INTS4: variants seen among roughly 807,000 people sequenced by gnomAD.
INTS4 encodes integrator complex subunit 4.
A neutral mutation model predicts 119.5 loss-of-function variants in INTS4; 70 were observed. The ratio of observed to expected loss-of-function variants is 0.59; its 90% CI spans 0.48 to 0.71. The LOEUF (loss-of-function observed/expected upper bound fraction) is 0.71, where lower values mean the gene tolerates loss of function less well. Among genes scored for constraint, INTS4 ranks in the 30% least tolerant of loss-of-function variants. The pLI is 0.00. For missense variants in INTS4, 867 were observed against 1,173.2 expected (o/e 0.74, Z 3.81); for synonymous variants, 316 against 419.6 (o/e 0.75, Z 3.02).
intron 10 of INTS4, among the ~76,000 whole-genome samples, chr11:77,932,325 A>C (rs1441862242): frequency 6.6e-6 from 1 of 152,250 alleles, no homozygotes; most frequent in Non-Finnish European, 1.5e-5. Flanking sequence ...TCAAAAGAAG[A>C]CATTTATGCG....
downstream of INTS4, among the ~76,000 whole-genome samples, chr11:77,878,159 A>G (rs183874503): frequency 0.017 from 2,623 of 152,106 alleles, 58 homozygotes; most frequent in African/African-American, 0.051. Flanking sequence ...TCAGGAGATC[A>G]AGACCATCCT....
intron 10 of INTS4, among the ~76,000 whole-genome samples, chr11:77,933,890 G>A (rs2136509714): frequency 6.6e-6 from 1 of 152,320 alleles, no homozygotes; most frequent in Admixed American, 6.5e-5. Context: ...CGTCTGGGAG[G>A]TGTGCCCAGC....
At chr11:77,956,714 AATAATAATAATAATAAT>A (rs1565271372) in intron 7 of INTS4, among the ~76,000 whole-genome samples, 17 of 8,714 alleles carry the variant, frequency 2.0e-3, no homozygotes, top group South Asian at 6.8e-3. Context: ...CTCAAAAAAT[AATAATAATAATAATAAT>A]AATAATAATA....
At chr11:77,981,620 G>C in intron 2 of INTS4, 44 bp from the exon 3 acceptor site, 2 of 958,288 alleles carry the variant, frequency 2.1e-6, no homozygotes, top group Non-Finnish European at 3.2e-6. Context: ...TTTACACTTA[G>C]CTAACCAACA....
In INTS4 at chr11:77,878,958, T is replaced by C; in HGVS notation, c.2883A>G (p.Ala961=). The C allele has an allele frequency of 6.2e-7, 1 of 1,613,926 alleles. No individual in the cohort carries two copies. The highest frequency in any genetic ancestry group is 2.2e-5 in the East Asian group (1 of 44,864). The part of the protein sequence containing the change: ...PVKVYIMPKP[A]RR ...GAAGACTGTTTTTGCCTTAGCGCCG[T>C]GCAGGTTTGGGCATTATATAAACTT... Residue 961 remains alanine (A), a synonymous_variant, in exon 23 of 23, where the codon GCA becomes GCG. Transcript: ENST00000534064.
intron 8 of INTS4, among the ~76,000 whole-genome samples, chr11:77,951,639 T>C (rs1385870942): frequency 6.6e-6 from 1 of 152,048 alleles, no homozygotes; most frequent in Non-Finnish European, 1.5e-5. Flanking sequence ...AAAGCAATGG[T>C]AACAAAAGCC....
chr11:77,994,048 C>T (rs1470202569), intron 1 of INTS4, among the ~76,000 whole-genome samples: 2 of 152,048 alleles, frequency 1.3e-5, no homozygotes, highest in East Asian at 3.9e-4. Context: ...GCTGTTCTAC[C>T]AATAGAGAGC....
intron 3 of INTS4, 146 bp downstream of exon 3, chr11:77,981,313 A>T (rs1323639475): frequency 4.9e-6 from 2 of 410,280 alleles, no homozygotes; most frequent in Non-Finnish European, 8.6e-6. Flanking sequence ...TTCTACTCTA[A>T]TGTAAATATG....
Position 77,918,904 on chromosome 11 carries a change from G to A in INTS4, c.1839C>T (p.Phe613=). The change falls in exon 15 of 23, where the codon TTC becomes TTT. Residue 613 remains phenylalanine (F), a synonymous_variant. Coordinates refer to ENST00000534064, the MANE Select transcript of INTS4 (RefSeq NM_033547.4). ...ACACTCTTTCAAGGCTCTGCTGCAG[G>A]AACTGCTGGGAAGGATCCTCTTGAG... is the stretch of plus-strand genomic sequence containing the variant. ...IIPQEDPSQQ[F]LQQSLERVYS... is the part of the protein sequence containing the mutation. The A allele has an allele frequency of 6.2e-7, 1 of 1,613,948 alleles. No individual in the cohort carries two copies. Among genetic ancestry groups the A allele is most frequent in the Admixed American group, 1.7e-5 (1 of 60,016 alleles).
At chr11:77,898,746 A>G (rs1047478012) in intron 18 of INTS4, among the ~76,000 whole-genome samples, 2 of 152,194 alleles carry the variant, frequency 1.3e-5, no homozygotes, top group Non-Finnish European at 2.9e-5. Flanking sequence ...CCAGCCAGGC[A>G]CGGTAGCTCA....
At chr11:77,911,320 C>T (rs1953085148) in intron 15 of INTS4, among the ~76,000 whole-genome samples, 11 of 152,230 alleles carry the variant, frequency 7.2e-5, no homozygotes, top group Admixed American at 6.5e-4. Context: ...CTAAGCCCAA[C>T]TGTGAAGTGT....
rs1326965088 is a variant in INTS4 at position 77,922,352 on chromosome 11, A to G, written c.1630+4T>C. ...TCAGGGCCCATCCTAAGCACAGAGGATACAAGCTGGATCATCCATGTCTGG... is the reference window on the plus strand; with the variant it reads ...TCAGGGCCCATCCTAAGCACAGAGGGTACAAGCTGGATCATCCATGTCTGG... On this transcript the variant is annotated splice_donor_region_variant and intron_variant, in intron 13 of 22. Coordinates refer to ENST00000534064, the MANE Select transcript of INTS4 (RefSeq NM_033547.4). The G allele has an allele frequency of 5.5e-6, 8 of 1,459,592 alleles. No individual in the cohort carries two copies. Among genetic ancestry groups the G allele is most frequent in the Non-Finnish European group, 7.2e-6 (8 of 1,104,900 alleles). The allele number at this position is 1,459,592 out of a possible 1,614,324, so 90.4% of individuals were successfully genotyped here.
chr11:77,887,771 G>A (rs9665828), intron 21 of INTS4, among the ~76,000 whole-genome samples: 2,858 of 152,006 alleles, frequency 0.019, 36 homozygotes, highest in Non-Finnish European at 0.028. Flanking sequence ...ATTCTTATAC[G>A]CCAATAACAG....
intron 2 of INTS4, 111 bp from the exon 3 acceptor site, chr11:77,981,687 T>A (rs2136645762): frequency 2.1e-6 from 1 of 469,438 alleles, no homozygotes; most frequent in South Asian, 6.4e-5. Context: ...AAGTATTCTA[T>A]GGCATCATTT....
At chr11:77,898,350 G>C (rs1952620996) in intron 18 of INTS4, among the ~76,000 whole-genome samples, 1 of 152,114 alleles carries the variant, frequency 6.6e-6, no homozygotes, top group African/African-American at 2.4e-5. Context: ...TTTTAGTAGA[G>C]ATGGGGTTTC....
rs35194381 is a variant in INTS4, at chr11:77,981,190, C to CAAAAAAAAAAAAAAA, written c.364+254_364+268dup. On this transcript the variant is annotated intron_variant, in intron 3 of 22. Coordinates refer to ENST00000534064, the MANE Select transcript of INTS4 (RefSeq NM_033547.4). Reference sequence around the variant, plus strand: ...TGCCTCAAAACAAAAAACAAACAAGCAAAAAAAAAAAAAAAAAAAGGGACA... The same window carrying CAAAAAAAAAAAAAAA: ...TGCCTCAAAACAAAAAACAAACAAGCAAAAAAAAAAAAAAAAAAAAAAAAAAAAAAAAAAGGGACA... 1.0e-4 allele frequency among the ~76,000 whole-genome samples: 9 copies of CAAAAAAAAAAAAAAA among 88,836 alleles called. 1 individual carries two copies. Among genetic ancestry groups the CAAAAAAAAAAAAAAA allele is most frequent in the Non-Finnish European group, 1.8e-4 (8 of 44,324 alleles). The allele number at this position is 88,836 out of a possible 152,430, so 58.3% of individuals were successfully genotyped here. A position where few individuals can be genotyped will look rare whatever the true frequency, so the allele number is the denominator to read the frequency against.
intron 7 of INTS4, among the ~76,000 whole-genome samples, chr11:77,956,712 ATAATAATAATAATAATAAT>A (rs1169496781): frequency 6.5e-5 from 5 of 77,094 alleles, no homozygotes; most frequent in African/African-American, 1.3e-4. Flanking sequence ...ATCTCAAAAA[ATAATAATAATAATAATAAT>A]AATAATAATA....
intron 1 of INTS4, among the ~76,000 whole-genome samples, chr11:77,994,382 A>AT (rs1224198142): frequency 1.3e-5 from 2 of 152,148 alleles, no homozygotes; most frequent in Admixed American, 6.5e-5. Context: ...TCTCCTAATA[A>AT]TTTTTTTAAA....
chr11:77,959,171 T>C (rs1464229982), intron 6 of INTS4, among the ~76,000 whole-genome samples: 3 of 152,182 alleles, frequency 2.0e-5, no homozygotes, highest in Admixed American at 6.5e-5. Flanking sequence ...TTCCTCCCCC[T>C]GTAAAAATCA....
Sources: allele counts gnomAD v4.1 joint callset (sites outside exome capture counted in the v4.1 genomes callset), GRCh38; gene constraint gnomAD v4.1.1; transcripts MANE v1.5; gene names NCBI Gene and HGNC (gene_info 2026-07-23, HGNC 2026-07-21).